Variants in GPR55 observed in about 807,000 individuals in gnomAD.
The protein encoded by GPR55 is G protein-coupled receptor 55.
GPR55 carries 6 observed loss-of-function variants against 7.9 expected under a neutral mutation model. That is an observed-to-expected ratio of 0.76 (90% CI 0.41 to 1.49). The LOEUF (loss-of-function observed/expected upper bound fraction) is 1.49. GPR55 is among the 40% of genes most tolerant of loss of function. The pLI is 0.01. For synonymous variants in GPR55, 183 were observed against 166.8 expected (o/e 1.10, Z -0.75); for missense variants, 376 against 406.0 (o/e 0.93, Z 0.63).
chr2:230,948,608 A>AT (rs1691353813), intron 1 of GPR55, among the ~76,000 whole-genome samples: 1 of 152,002 alleles, frequency 6.6e-6, no homozygotes, highest in African/African-American at 2.4e-5. Flanking sequence ...TATAATTCGG[A>AT]TTTTTTCACT....
At chr2:230,941,244 A>C (rs1476063035) in intron 1 of GPR55, among the ~76,000 whole-genome samples, 1 of 151,970 alleles carries the variant, frequency 6.6e-6, no homozygotes, top group African/African-American at 2.4e-5. Flanking sequence ...GGGAGGCTGC[A>C]GGAGTGCGGT....
chr2:230,946,442 A>G (rs1474583098), intron 1 of GPR55, among the ~76,000 whole-genome samples: 2 of 152,222 alleles, frequency 1.3e-5, no homozygotes, highest in Non-Finnish European at 2.9e-5. Context: ...ATCATTTCCC[A>G]GTGTATACAT....
In GPR55 at chr2:230,909,322, C is replaced by G. The variant is rs959555422; in HGVS notation, c.*681G>C. On this transcript the variant is annotated 3_prime_UTR_variant, in exon 2 of 2. Coordinates refer to ENST00000650999, the MANE Select transcript of GPR55 (RefSeq NM_005683.4). ...TGGCTCTTGGATGTCATCAACACCC[C>G]ACTCAGTCATTTTGCAGTCTTCTCA... 1 of 152,488 alleles carries G rather than the reference C, an allele frequency of 6.6e-6. No homozygotes were observed. Among genetic ancestry groups the G allele is most frequent in the Non-Finnish European group, 1.5e-5 (1 of 68,238 alleles). The allele number at this position is 152,488 out of a possible 1,614,324, so 9.4% of individuals were successfully genotyped here.
At chr2:230,959,489 T>C (rs2125073295) in intron 1 of GPR55, among the ~76,000 whole-genome samples, 2 of 152,214 alleles carry the variant, frequency 1.3e-5, no homozygotes, top group Middle Eastern at 6.8e-3. Context: ...AATCATTTAG[T>C]TATTCCCAGC....
At chr2:230,926,510 C>A (rs1574626187), upstream of GPR55, among the ~76,000 whole-genome samples, 1 of 152,188 alleles carries the variant, frequency 6.6e-6, no homozygotes, top group Non-Finnish European at 1.5e-5. Context: ...CAGGAGCCTG[C>A]TGGGACAGTA....
rs774896241 is a variant in GPR55, at chr2:230,910,854, G to C, written c.109C>G (p.Leu37Val). Residue 37 changes from leucine to valine, a missense_variant, in exon 2 of 2, where the codon CTC (leucine) becomes GTC (valine). Leu to Val is a conservative substitution (Grantham distance 32). Coordinates refer to ENST00000650999, the MANE Select transcript of GPR55 (RefSeq NM_005683.4). The surrounding 1 kb of genome is among the most constrained non-coding windows in gnomAD (Gnocchi z 5.4). ...HIPTFVLGLL[L>V]NLLAIHGFST... ...AAGCCATGGATGGCCAGCAGGTTGA[G>C]GAGCAGGCCCAGGACGAAGGTGGGG... is the stretch of plus-strand genomic sequence containing the variant. The C allele has an allele frequency of 1.4e-5, 22 of 1,614,076 alleles. No individual in the cohort carries two copies. Among genetic ancestry groups the C allele is most frequent in the Admixed American group, 1.7e-5 (1 of 60,010 alleles).
intron 1 of GPR55, among the ~76,000 whole-genome samples, chr2:230,950,356 C>T (rs1038288377): frequency 3.3e-5 from 5 of 152,214 alleles, no homozygotes; most frequent in African/African-American, 7.2e-5. Flanking sequence ...CAGGACAAGA[C>T]GCAGAGCAAT....
upstream of GPR55, among the ~76,000 whole-genome samples, chr2:230,927,383 A>G (rs1422041386): frequency 6.6e-6 from 1 of 152,178 alleles, no homozygotes; most frequent in Non-Finnish European, 1.5e-5. Context: ...GAGAGACTCA[A>G]AGGTTTGAGC....
intron 1 of GPR55, among the ~76,000 whole-genome samples, 176 bp from the exon 2 acceptor site, chr2:230,911,272 T>C (rs1334786739): frequency 6.6e-6 from 1 of 152,208 alleles, no homozygotes; most frequent in Non-Finnish European, 1.5e-5. Flanking sequence ...AAATCAGAAC[T>C]CCTTTTGTTG....
chr2:230,959,693 C>A (rs759159915), intron 1 of GPR55, among the ~76,000 whole-genome samples: 11 of 151,912 alleles, frequency 7.2e-5, no homozygotes, highest in Non-Finnish European at 1.6e-4. Context: ...GCACAGAAAA[C>A]AATCAGAGCA....
chr2:230,933,326 C>T (rs930798413), intron 1 of GPR55, among the ~76,000 whole-genome samples: 1 of 152,192 alleles, frequency 6.6e-6, no homozygotes, highest in Non-Finnish European at 1.5e-5. Flanking sequence ...CCCTCCCATC[C>T]GTCCACCGCA....
chr2:230,927,333 C>T (rs973084464), upstream of GPR55, among the ~76,000 whole-genome samples: 1 of 152,036 alleles, frequency 6.6e-6, no homozygotes, highest in Non-Finnish European at 1.5e-5. Context: ...TGGGGGATAT[C>T]CAAGGTATAT....
chr2:230,924,112 G>A lies in GPR55; in HGVS notation c.-135+1056C>T, dbSNP rs1690897876. On this transcript the variant is annotated intron_variant, in intron 1 of 1. Transcript: ENST00000650999. The surrounding 1 kb of genome is among the most constrained non-coding windows in gnomAD (Gnocchi z 4.5). ...CCCTGCTGTCCTCCAGCAACCCCAG[G>A]ACCAGGACCATGTCCCTTTCACCTT... Among the ~76,000 whole-genome samples the A allele has an allele frequency of 6.6e-6, 1 of 152,044 alleles. No homozygotes were observed. Among genetic ancestry groups the A allele is most frequent in the Non-Finnish European group, 1.5e-5 (1 of 68,008 alleles).
chr2:230,922,875 T>C (rs1298161478), intron 1 of GPR55, among the ~76,000 whole-genome samples: 1 of 152,174 alleles, frequency 6.6e-6, no homozygotes, highest in Non-Finnish European at 1.5e-5. Flanking sequence ...GGCCTAATTT[T>C]TTATTTTTTG....
At chr2:230,950,023 A>G (rs1330020212) in intron 1 of GPR55, among the ~76,000 whole-genome samples, 1 of 151,656 alleles carries the variant, frequency 6.6e-6, no homozygotes, top group African/African-American at 2.4e-5. Flanking sequence ...TTTAGTAGAG[A>G]CGGGGTTTCA....
intron 1 of GPR55, among the ~76,000 whole-genome samples, chr2:230,913,005 C>T (rs1690627881): frequency 6.6e-6 from 1 of 152,256 alleles, no homozygotes; most frequent in South Asian, 2.1e-4. Flanking sequence ...TGTATGACTT[C>T]TTTAAAATTT....
At position 230,909,966 on chromosome 2, in the gene GPR55, G is replaced by GC. The variant is rs1388629812; in HGVS notation, c.*36dup. 1 of 1,582,540 alleles carries GC rather than the reference G, an allele frequency of 6.3e-7. No homozygotes were observed. The highest frequency in any genetic ancestry group is 1.2e-5 in the South Asian group (1 of 86,338). On this transcript the variant is annotated 3_prime_UTR_variant, in exon 2 of 2. Transcript: ENST00000650999. ...GCGATATCCGTTACCAGAATTCAGG[G>GC]CCAGGGCTTTCTTCCCCTGAACAGG...
chr2:230,960,984 CT>C (rs1277863545), exon 1 of GPR55: 2 of 152,262 alleles, frequency 1.3e-5, no homozygotes, highest in Non-Finnish European at 2.9e-5. Context: ...AATCCCCAGG[CT>C]TCAGGCAACA....
At position 230,957,933 on chromosome 2, in the gene GPR55, C is replaced by G. The variant is rs1433403408; in HGVS notation, c.-135+2842G>C. The G allele has an allele frequency of 1.2e-5, 6 of 486,546 alleles. No individual in the cohort carries two copies. The East Asian group carries it at 3.2e-4, about 26-fold the overall frequency. The allele number at this position is 486,546 out of a possible 1,614,324, so 30.1% of individuals were successfully genotyped here. ...ATCTTGATCCTGAAAGAAAAGAAAC[C>G]AAGGGCAACAGCAGCAATTGAACAA... On this transcript the variant is annotated intron_variant, in intron 1 of 1. Coordinates refer to the GPR55 transcript ENST00000392039.
Sources: allele counts gnomAD v4.1 joint callset (sites outside exome capture counted in the v4.1 genomes callset), GRCh38; gene constraint gnomAD v4.1.1; non-coding constraint Gnocchi (gnomAD v3.1); transcripts MANE v1.5; gene names NCBI Gene and HGNC (gene_info 2026-07-23, HGNC 2026-07-21).